Variants in MXI1 observed in about 807,000 individuals in gnomAD.
MXI1 encodes the protein max-interacting protein 1.
In MXI1, 18 loss-of-function variants were observed where a neutral mutation model predicts 36.9. The ratio of observed to expected loss-of-function variants is 0.49; its 90% CI spans 0.34 to 0.72. The LOEUF is 0.72. Among genes scored for constraint, MXI1 ranks in the 30% least tolerant of loss-of-function variants. MXI1 has a pLI of 0.01. For synonymous variants in MXI1, 160 were observed against 146.7 expected (o/e 1.09, Z -0.65); for missense variants, 304 against 379.1 (o/e 0.80, Z 1.64).
intron 5 of MXI1, among the ~76,000 whole-genome samples, chr10:110,282,655 TCATTTTTTTTTAGTGTTCC>T (rs1467819428): frequency 2.6e-5 from 4 of 152,074 alleles, no homozygotes; most frequent in Non-Finnish European, 4.4e-5. Context: ...ACTATAGCTC[TCATTTTTTTTTAGTGTTCC>T]CAGTGTACCT....
rs989929219 is a variant in MXI1, at chr10:110,286,220, A to T, written c.*1233A>T. Reference sequence around the variant, plus strand: ...GCACTTGTCTCATTTTAATGTAAAGATTTGCTTCCATTTTCCTACAGGCAG... The same window carrying T: ...GCACTTGTCTCATTTTAATGTAAAGTTTTGCTTCCATTTTCCTACAGGCAG... On this transcript the variant is annotated 3_prime_UTR_variant, in exon 6 of 6. Transcript: ENST00000332674. 1 of 152,576 alleles carries T rather than the reference A, an allele frequency of 6.6e-6. No individual in the cohort carries two copies. The highest frequency in any genetic ancestry group is 1.5e-5 in the Non-Finnish European group (1 of 68,030). The allele number at this position is 152,576 out of a possible 1,614,324, so 9.5% of individuals were successfully genotyped here.
intron 1 of MXI1, among the ~76,000 whole-genome samples, chr10:110,221,023 G>A (rs1854790314): frequency 6.6e-6 from 1 of 152,222 alleles, no homozygotes; most frequent in African/African-American, 2.4e-5. Flanking sequence ...ATTGTTTCCT[G>A]TGGTGGTCTT....
chr10:110,243,638 CTGT>C (rs1855752184), intron 2 of MXI1, among the ~76,000 whole-genome samples: 1 of 151,986 alleles, frequency 6.6e-6, no homozygotes, highest in Non-Finnish European at 1.5e-5. Flanking sequence ...CATAAAATTC[CTGT>C]TGTTGTTAAT....
chr10:110,261,246 A>T, intron 3 of MXI1: 1 of 592,188 alleles, frequency 1.7e-6, no homozygotes, highest in Middle Eastern at 8.7e-4. Context: ...CCCATTCCTA[A>T]TTCTAGGACA....
intron 1 of MXI1, among the ~76,000 whole-genome samples, chr10:110,225,828 C>CT (rs1854942519): frequency 6.6e-6 from 1 of 152,030 alleles, no homozygotes; most frequent in Non-Finnish European, 1.5e-5. Context: ...TTCCGACGAC[C>CT]TTTGCGAATC....
chr10:110,274,872 ATTTT>A (rs66570053), intron 3 of MXI1, among the ~76,000 whole-genome samples: 5 of 109,984 alleles, frequency 4.5e-5, no homozygotes, highest in African/African-American at 3.7e-5. Context: ...GTGAATAAGG[ATTTT>A]TTTTTTTTTT....
chr10:110,215,930 C>T (rs74154999), intron 1 of MXI1, among the ~76,000 whole-genome samples: 6,483 of 152,170 alleles, frequency 0.043, 443 homozygotes, highest in African/African-American at 0.14. Context: ...AATTCCCTGT[C>T]CCAAGGACAG....
rs113010920 is a variant in MXI1, at chr10:110,283,507, A to G, written c.725-1317A>G. On this transcript the variant is annotated intron_variant, in intron 5 of 5. Coordinates refer to ENST00000332674, the MANE Select transcript of MXI1 (RefSeq NM_130439.3). ...TCTTGAACTCCTGACCTCGTGATCC[A>G]CCTGCCTCAGCCTCCCAAAGTGCTT... is the stretch of plus-strand genomic sequence containing the variant. Among the ~76,000 whole-genome samples the G allele has an allele frequency of 6.3e-3, 954 of 150,760 alleles. 7 individuals are homozygous for G. The highest frequency in any genetic ancestry group is 0.018 in the African/African-American group (721 of 41,070).
At chr10:110,256,602 CAAAAAAAAAA>C (rs58267076) in intron 3 of MXI1, among the ~76,000 whole-genome samples, 1 of 48,870 alleles carries the variant, frequency 2.0e-5, no homozygotes, top group Non-Finnish European at 3.9e-5. Flanking sequence ...GACTCTGTCT[CAAAAAAAAAA>C]AAAAAAAAAA....
Position 110,249,231 on chromosome 10 carries a change from T to C in MXI1, c.437+4374T>C, listed in dbSNP as rs1434507380. 2.0e-5 allele frequency among the ~76,000 whole-genome samples: 3 copies of C among 152,186 alleles called. No individual in the cohort carries two copies. In the East Asian group the frequency reaches 5.8e-4, roughly 29 times the overall value. ...TATGAAAAGATTAGTTTTGTCTTTG[T>C]TCTGAAAAGACATTCCTGAAGTAAT... On this transcript the variant is annotated intron_variant, in intron 3 of 5. Coordinates refer to ENST00000332674, the MANE Select transcript of MXI1 (RefSeq NM_130439.3).
intron 2 of MXI1, among the ~76,000 whole-genome samples, chr10:110,232,645 C>T (rs879362196): frequency 7.9e-4 from 120 of 152,230 alleles, no homozygotes; most frequent in African/African-American, 2.7e-3. Context: ...CACAGTGCCC[C>T]GTAAATAGTA....
Position 110,264,881 on chromosome 10 carries a change from T to A in MXI1, c.438-14299T>A, listed in dbSNP as rs1056008055. ...ATTAGTTGAATGGAATATAAAAAAATTGATTTTTAAACATTAGCTTGAGGC... is the reference window on the plus strand; with the variant it reads ...ATTAGTTGAATGGAATATAAAAAAAATGATTTTTAAACATTAGCTTGAGGC... On this transcript the variant is annotated intron_variant, in intron 3 of 5. Coordinates refer to ENST00000332674, the MANE Select transcript of MXI1 (RefSeq NM_130439.3). Among the ~76,000 whole-genome samples, 4 of 152,194 alleles carry A rather than the reference T, an allele frequency of 2.6e-5. No homozygotes were observed. In the East Asian group the frequency reaches 7.7e-4, roughly 29 times the overall value.
intron 1 of MXI1, among the ~76,000 whole-genome samples, chr10:110,223,563 C>T (rs903102445): frequency 6.6e-6 from 1 of 151,962 alleles, no homozygotes; most frequent in Non-Finnish European, 1.5e-5. Context: ...CAGAGTAAGA[C>T]TCCGTCTCAA....
chr10:110,248,770 ACT>A (rs779565354), intron 3 of MXI1, among the ~76,000 whole-genome samples: 1 of 151,606 alleles, frequency 6.6e-6, no homozygotes, highest in South Asian at 2.1e-4. Context: ...TTCCTCCTTT[ACT>A]CTCTCTATTC....
intron 2 of MXI1, among the ~76,000 whole-genome samples, chr10:110,232,021 C>T (rs137951727): frequency 2.6e-4 from 39 of 151,872 alleles, no homozygotes; most frequent in Middle Eastern, 3.4e-3. Context: ...AGTGCAGTGG[C>T]GCGATCTCAG....
chr10:110,281,534 C>T (rs761055893), intron 5 of MXI1, among the ~76,000 whole-genome samples: 9 of 152,026 alleles, frequency 5.9e-5, no homozygotes, highest in Non-Finnish European at 8.8e-5. Flanking sequence ...CCCCCTACAC[C>T]GTTTTGGTAG....
chr10:110,238,008 C>G (rs1276386467), intron 2 of MXI1, among the ~76,000 whole-genome samples: 3 of 152,114 alleles, frequency 2.0e-5, no homozygotes, highest in Non-Finnish European at 2.9e-5. Context: ...TGCCCAGACA[C>G]AGAGAGAGAG....
chr10:110,263,794 G>A (rs1284406187), intron 3 of MXI1, among the ~76,000 whole-genome samples: 2 of 152,054 alleles, frequency 1.3e-5, no homozygotes, highest in Non-Finnish European at 2.9e-5. Context: ...TCTTCTCACA[G>A]CTATTTAATT....
intron 3 of MXI1, among the ~76,000 whole-genome samples, chr10:110,263,453 T>A (rs565189009): frequency 3.9e-5 from 6 of 152,136 alleles, no homozygotes; most frequent in African/African-American, 1.4e-4. Flanking sequence ...AAAATGCCTC[T>A]TGAGTGCAAT....
Sources: allele counts gnomAD v4.1 joint callset (sites outside exome capture counted in the v4.1 genomes callset), GRCh38; gene constraint gnomAD v4.1.1; transcripts MANE v1.5; gene names NCBI Gene and HGNC (gene_info 2026-07-23, HGNC 2026-07-21).